The following TCEAL2 variants were observed in gnomAD, a reference collection of about 807,000 sequenced individuals.
TCEAL2 encodes the protein transcription elongation factor A protein-like 2.
For synonymous variants in TCEAL2, 65 were observed against 57.9 expected (o/e 1.12, Z -0.55); for missense variants, 169 against 166.6 (o/e 1.01, Z -0.08).
chrX:102,127,448 T>A lies in TCEAL2; in HGVS notation c.618T>A (p.Gly206=). ...RNLQDPFYPR[G]PREFRGGCRA... The stretch of plus-strand genomic sequence containing the variant: ...TACAGGACCCCTTCTATCCTAGGGG[T>A]CCAAGGGAATTCAGGGGTGGCTGCA... Residue 206 remains glycine (G), a synonymous_variant, in exon 3 of 3, where the codon GGT becomes GGA. Coordinates refer to ENST00000372780, the MANE Select transcript of TCEAL2 (RefSeq NM_080390.4). The A allele has an allele frequency of 8.3e-7, 1 of 1,200,853 alleles. No homozygotes were observed. Among genetic ancestry groups the A allele is most frequent in the East Asian group, 3.0e-5 (1 of 33,782 alleles).
Position 102,127,008 on chromosome X carries a change from G to C in TCEAL2, c.178G>C (p.Asp60His). The change falls in exon 3 of 3, where the codon GAT (aspartate) becomes CAT (histidine). Residue 60 changes from aspartate (D) to histidine (H), a missense_variant. Coordinates refer to ENST00000372780, the MANE Select transcript of TCEAL2 (RefSeq NM_080390.4). ...CAAGAGAGTTGAGGAACCGTTAAAG[G>C]ATAAAGAAAAGCCAGAGAGTGCGGG... ...TGKRVEEPLK[D>H]KEKPESAGKA... 1.7e-6 allele frequency: 2 copies of C among 1,210,699 alleles called. No homozygotes were observed. Among genetic ancestry groups the C allele is most frequent in the Non-Finnish European group, 2.2e-6 (2 of 894,933 alleles).
In TCEAL2 at chrX:102,127,360, T is replaced by C. The variant is rs1305204787; in HGVS notation, c.530T>C (p.Val177Ala). The change falls in exon 3 of 3, where the codon GTG (valine) becomes GCG (alanine). Residue 177 changes from valine (V) to alanine (A), a missense_variant. Transcript: ENST00000372780. ...AGAGAATTTGACAACATGGCTAGGG[T>C]GGAGGATAAAAGGAGAAAAAGCAAA... ...MIREFDNMAR[V>A]EDKRRKSKQK... is the part of the protein sequence containing the mutation. 1 of 1,209,898 alleles carries C rather than the reference T, an allele frequency of 8.3e-7. No individual in the cohort carries two copies.
intron 2 of TCEAL2, 94 bp downstream of exon 2, chrX:102,126,539 C>T: frequency 1.6e-6 from 1 of 612,518 alleles, no homozygotes; most frequent in Non-Finnish European, 2.6e-6. Flanking sequence ...CCTGCCCATC[C>T]CCTTACCTAC....
chrX:102,127,482 C>G lies in TCEAL2; in HGVS notation c.652C>G (p.Arg218Gly), dbSNP rs1443058229. 8.4e-7 allele frequency: 1 copy of G among 1,184,050 alleles called. No homozygotes were observed. The change falls in exon 3 of 3, where the codon CGA becomes GGA. Residue 218 changes from arginine (R) to glycine (G), a missense_variant. Transcript: ENST00000372780. Reference sequence around the variant, plus strand: ...ATTCAGGGGTGGCTGCAGGGCCCCACGAAGGGACACTGAAGACATTCCTTA... The same window carrying G: ...ATTCAGGGGTGGCTGCAGGGCCCCAGGAAGGGACACTGAAGACATTCCTTA... ...REFRGGCRAP[R>G]RDTEDIPYV
chrX:102,126,265 G>C, intron 1 of TCEAL2, 108 bp from the exon 2 acceptor site: 1 of 660,579 alleles, frequency 1.5e-6, no homozygotes, highest in South Asian at 4.8e-5. Context: ...GGGGGAGGTA[G>C]GGGAGGAAAA....
rs761857628 is a variant in TCEAL2 at position 102,127,001 on chromosome X, G to C, written c.171G>C (p.Pro57=). The C allele has an allele frequency of 1.1e-5, 13 of 1,208,787 alleles. No individual in the cohort carries two copies. Among genetic ancestry groups the C allele is most frequent in the Admixed American group, 8.8e-5 (4 of 45,579 alleles). The part of the protein sequence containing the change: ...TENTGKRVEE[P]LKDKEKPESA... ...ACACGGGCAAGAGAGTTGAGGAACC[G>C]TTAAAGGATAAAGAAAAGCCAGAGA... The change falls in exon 3 of 3, where the codon CCG becomes CCC. Residue 57 remains proline, a synonymous_variant. Transcript: ENST00000372780.
Position 102,127,219 on chromosome X carries a change from C to G in TCEAL2, c.389C>G (p.Ala130Gly). ...SETRAAGKRP[A>G]EDDIPRKAKR... ...ACAAGGGCTGCAGGAAAGCGCCCAG[C>G]TGAGGATGATATACCCAGGAAAGCC... The change falls in exon 3 of 3, where the codon GCT becomes GGT. Residue 130 changes from alanine to glycine, a missense_variant. Coordinates refer to ENST00000372780, the MANE Select transcript of TCEAL2 (RefSeq NM_080390.4). 8.3e-7 allele frequency: 1 copy of G among 1,211,110 alleles called. No individual in the cohort carries two copies. Among genetic ancestry groups the G allele is most frequent in the East Asian group, 3.0e-5 (1 of 33,816 alleles).
In TCEAL2 at chrX:102,126,462, G is replaced by T; in HGVS notation, c.-28+17G>T. 2.0e-6 allele frequency: 2 copies of T among 1,022,202 alleles called. No homozygotes were observed. The highest frequency in any genetic ancestry group is 7.1e-4 in the Middle Eastern group (2 of 2,814). The allele number at this position is 1,022,202 out of a possible 1,213,427, so 84.2% of individuals were successfully genotyped here. ...TCCCCGCAGGTCCGTGAAAGCAGGGGGCTGCATGGACAGGGGCCCACAAGG... is the reference window on the plus strand; with the variant it reads ...TCCCCGCAGGTCCGTGAAAGCAGGGTGCTGCATGGACAGGGGCCCACAAGG... On this transcript the variant is annotated intron_variant, in intron 2 of 2. Coordinates refer to ENST00000372780, the MANE Select transcript of TCEAL2 (RefSeq NM_080390.4).
rs1177665747 is a variant in TCEAL2, at chrX:102,125,745, G to A, written c.-162G>A. 1 of 112,061 alleles carries A rather than the reference G, an allele frequency of 8.9e-6. No homozygotes were observed. Among genetic ancestry groups the A allele is most frequent in the African/African-American group, 3.2e-5 (1 of 30,856 alleles). 9.2% of individuals were successfully genotyped at this position (112,061 alleles called of 1,213,427 possible). A position where few individuals can be genotyped will look rare whatever the true frequency, so the allele number is the denominator to read the frequency against. On this transcript the variant is annotated 5_prime_UTR_variant, in exon 1 of 3. Transcript: ENST00000372780. ...GCTGTCTGAGCTGCCCAGGCGGCGG[G>A]GGAGCAGCGAGCGGGCTTCAGCGAG... is the stretch of plus-strand genomic sequence containing the variant.
Position 102,126,933 on chromosome X carries a change from A to G in TCEAL2, c.103A>G (p.Ile35Val). 8.3e-7 allele frequency: 1 copy of G among 1,211,835 alleles called. No homozygotes were observed. Among genetic ancestry groups the G allele is most frequent in the East Asian group, 3.0e-5 (1 of 33,854 alleles). The change falls in exon 3 of 3, where the codon ATT becomes GTT. Residue 35 changes from isoleucine (I) to valine (V), a missense_variant. Coordinates refer to ENST00000372780, the MANE Select transcript of TCEAL2 (RefSeq NM_080390.4). ...CGAGGGAAAGCCAGAAGTAGCTTGT[A>G]TTCTGGAAGACAAGAAGTTAGAAAA... The part of the protein sequence containing the change: ...PHEGKPEVAC[I>V]LEDKKLENEG...
chrX:102,127,650 T>C lies in TCEAL2; in HGVS notation c.*136T>C, dbSNP rs1321275703. The C allele has an allele frequency of 7.5e-6, 5 of 668,374 alleles. No homozygotes were observed. Among genetic ancestry groups the C allele is most frequent in the Non-Finnish European group, 1.1e-5 (5 of 464,798 alleles). 55.1% of individuals were successfully genotyped at this position (668,374 alleles called of 1,213,427 possible). ...TTGCTCTATGTTTCAGTAGCAGATT[T>C]TCACACATGTGCATTGCAGAGACGT... On this transcript the variant is annotated 3_prime_UTR_variant, in exon 3 of 3. Coordinates refer to ENST00000372780, the MANE Select transcript of TCEAL2 (RefSeq NM_080390.4).
In TCEAL2 at chrX:102,127,075, CAG is replaced by C. The variant is rs1569460842; in HGVS notation, c.249_250del (p.Glu83AspfsTer20). 8.4e-7 allele frequency: 1 copy of C among 1,191,851 alleles called. No individual in the cohort carries two copies. Among genetic ancestry groups the C allele is most frequent in the Non-Finnish European group, 1.1e-6 (1 of 882,991 alleles). ...GGAAAGTCAGAGAGGAAGGGAAAGT[CAG>C]AGATGCAGGGAGGATCAAAGACAGA... is the stretch of plus-strand genomic sequence containing the variant. On this transcript the variant is annotated frameshift_variant, in exon 3 of 3. Transcript: ENST00000372780. LOFTEE classifies it low-confidence loss of function (END_TRUNC).
chrX:102,126,210 C>G (rs757173793), intron 1 of TCEAL2, 163 bp from the exon 2 acceptor site: 91 of 542,554 alleles, frequency 1.7e-4, no homozygotes, highest in African/African-American at 1.0e-3. Flanking sequence ...GGAAAGCATC[C>G]TGGTTTGGTG....
At position 102,127,101 on chromosome X, in the gene TCEAL2, G is replaced by A; in HGVS notation, c.271G>A (p.Glu91Lys). 2 of 1,196,879 alleles carry A rather than the reference G, an allele frequency of 1.7e-6. No homozygotes were observed. Among genetic ancestry groups the A allele is most frequent in the Non-Finnish European group, 2.3e-6 (2 of 885,683 alleles). Residue 91 changes from glutamate to lysine, a missense_variant, in exon 3 of 3, where the codon GAG (glutamate) becomes AAG (lysine). Glu to Lys is a moderately conservative substitution (Grantham distance 56). Transcript: ENST00000372780. ...AGAGATGCAGGGAGGATCAAAGACA[G>A]AGGGAAAGCCAGAGAGAGGGGGAAG... ...KSEMQGGSKT[E>K]GKPERGGRAE...
intron 2 of TCEAL2, among the ~76,000 whole-genome samples, 175 bp from the exon 3 acceptor site, chrX:102,126,629 G>A (rs1355731758): frequency 4.4e-5 from 5 of 112,881 alleles, no homozygotes; most frequent in Non-Finnish European, 9.4e-5. Flanking sequence ...TCACGTGTGT[G>A]GGAGGAGTGG....
chrX:102,127,135 G>A lies in TCEAL2; in HGVS notation c.305G>A (p.Gly102Asp). ...GKPERGGRAE[G>D]EGEPDSEREP... ...CCAGAGAGAGGGGGAAGGGCAGAGG[G>A]TGAAGGAGAGCCAGACAGTGAAAGA... The change falls in exon 3 of 3, where the codon GGT (glycine) becomes GAT (aspartate). Residue 102 changes from glycine (G) to aspartate (D), a missense_variant. Transcript: ENST00000372780. 1 of 1,205,781 alleles carries A rather than the reference G, an allele frequency of 8.3e-7. No individual in the cohort carries two copies. The highest frequency in any genetic ancestry group is 1.8e-5 in the South Asian group (1 of 56,561).
In TCEAL2 at chrX:102,126,808, G is replaced by A; in HGVS notation, c.-23G>A. On this transcript the variant is annotated 5_prime_UTR_variant, in exon 3 of 3. Transcript: ENST00000372780. ...CCCTCCACACCCATCCCCCAGGAAA[G>A]GAAAAGGAGGGGAAATCTCGACATG... 1 of 1,192,786 alleles carries A rather than the reference G, an allele frequency of 8.4e-7. No individual in the cohort carries two copies. Among genetic ancestry groups the A allele is most frequent in the Non-Finnish European group, 1.1e-6 (1 of 887,013 alleles).
In TCEAL2 at chrX:102,125,701, G is replaced by C. The variant is rs182480582; in HGVS notation, c.-206G>C. 1 of 111,791 alleles carries C rather than the reference G, an allele frequency of 8.9e-6. No individual in the cohort carries two copies. The highest frequency in any genetic ancestry group is 1.9e-5 in the Non-Finnish European group (1 of 52,926). The allele number at this position is 111,791 out of a possible 1,213,427, so 9.2% of individuals were successfully genotyped here. ...GCCAGCCCGCCCAGCGGTCGGGTCC[G>C]GGCGCCCGCGCAGAATCAGCTGTCT... On this transcript the variant is annotated 5_prime_UTR_variant, in exon 1 of 3. Transcript: ENST00000372780.
chrX:102,126,324 G>T, intron 1 of TCEAL2, 49 bp from the exon 2 acceptor site: 1 of 930,673 alleles, frequency 1.1e-6, no homozygotes, highest in Non-Finnish European at 1.5e-6. Flanking sequence ...GAGTCCCTGT[G>T]AGCCCGCTAA....
Sources: allele counts gnomAD v4.1 joint callset (sites outside exome capture counted in the v4.1 genomes callset), GRCh38; gene constraint gnomAD v4.1.1; transcripts MANE v1.5; gene names NCBI Gene and HGNC (gene_info 2026-07-23, HGNC 2026-07-21).